Variants in ASTN2 observed in about 807,000 individuals in gnomAD.
ASTN2 encodes astrotactin-2.
Under a neutral mutation model 139.8 loss-of-function variants are expected in ASTN2, and 54 were observed. The observed-to-expected ratio is 0.39, with a 90% CI of 0.31 to 0.48. ASTN2 has a LOEUF of 0.48. ASTN2 is among the 20% of genes least tolerant of loss of function. The pLI is 0.95. For synonymous variants in ASTN2, 756 were observed against 719.5 expected, an observed-to-expected ratio of 1.05 and a Z score of -0.81; for missense variants, 1,565 against 1,725.1, an observed-to-expected ratio of 0.91 and a Z score of 1.64.
chr9:116,668,435 A>C (rs1394407212), intron 16 of ASTN2, among the ~76,000 whole-genome samples: 1 of 151,870 alleles, frequency 6.6e-6, no homozygotes, highest in Non-Finnish European at 1.5e-5. Flanking sequence ...CAGGTGATCC[A>C]CCCGCCTCGG....
chr9:116,807,585 C>T (rs565807692), intron 12 of ASTN2, among the ~76,000 whole-genome samples: 1 of 152,184 alleles, frequency 6.6e-6, no homozygotes, highest in South Asian at 2.1e-4. Context: ...TTACTAAGTC[C>T]CTTTTAATAC....
At chr9:116,762,399 T>C (rs10732385) in intron 13 of ASTN2, among the ~76,000 whole-genome samples, 55,450 of 151,932 alleles carry the variant, frequency 0.36, 10,930 homozygotes, top group East Asian at 0.51. Flanking sequence ...ATTTGGATAA[T>C]TGACACTGAA....
At position 116,442,567 on chromosome 9, in the gene ASTN2, A is replaced by G; in HGVS notation, c.3498-14T>C. 2 of 1,611,156 alleles carry G rather than the reference A, an allele frequency of 1.2e-6. No homozygotes were observed. Among genetic ancestry groups the G allele is most frequent in the Non-Finnish European group, 1.7e-6 (2 of 1,177,266 alleles). ...TACAGAGTGAACCTGCAGCACAGCA[A>G]GAAAACAGAGCACCAGGCTGTGACT... is the stretch of plus-strand genomic sequence containing the variant. On this transcript the variant is annotated splice_polypyrimidine_tract_variant and intron_variant, in intron 20 of 22. Coordinates refer to ENST00000313400, the MANE Select transcript of ASTN2 (RefSeq NM_001365068.1).
chr9:116,736,924 G>A (rs886971327), intron 13 of ASTN2, among the ~76,000 whole-genome samples: 1 of 152,062 alleles, frequency 6.6e-6, no homozygotes, highest in Admixed American at 6.5e-5. Flanking sequence ...TGACCCCAAC[G>A]GGACAATGCA....
intron 16 of ASTN2, among the ~76,000 whole-genome samples, chr9:116,659,687 C>T (rs996580933): frequency 6.6e-6 from 1 of 152,130 alleles, no homozygotes; most frequent in African/African-American, 2.4e-5. Context: ...CCAGGTAATG[C>T]CCCCAATCTC....
chr9:117,180,865 C>T, intron 3 of ASTN2: 2 of 1,574,746 alleles, frequency 1.3e-6, no homozygotes, highest in East Asian at 4.5e-5. Flanking sequence ...CTTCTGGTGG[C>T]CAGGAAACTT....
intron 10 of ASTN2, among the ~76,000 whole-genome samples, chr9:116,902,089 A>C (rs1588396709): frequency 1.3e-5 from 2 of 152,170 alleles, no homozygotes; most frequent in South Asian, 4.1e-4. Context: ...ATAAAAGTTA[A>C]CTGTTATAAA....
At chr9:116,858,932 T>C (rs575115683) in intron 11 of ASTN2, among the ~76,000 whole-genome samples, 2 of 152,346 alleles carry the variant, frequency 1.3e-5, no homozygotes, top group African/African-American at 4.8e-5. Flanking sequence ...CTCACAGTTC[T>C]ACAATTTAAA....
chr9:117,039,667 A>T, intron 6 of ASTN2, 152 bp downstream of exon 6: 1 of 698,140 alleles, frequency 1.4e-6, no homozygotes, highest in Non-Finnish European at 2.1e-6. Context: ...AAAGGATAAG[A>T]TCCTCTTCCA....
intron 13 of ASTN2, among the ~76,000 whole-genome samples, chr9:116,774,892 A>C (rs1452247090): frequency 6.6e-6 from 1 of 152,156 alleles, no homozygotes; most frequent in East Asian, 1.9e-4. Context: ...ACCCATCTAC[A>C]CACATGGGCA....
chr9:117,209,045 T>A (rs1302862839), intron 3 of ASTN2, among the ~76,000 whole-genome samples: 1 of 152,116 alleles, frequency 6.6e-6, no homozygotes, highest in East Asian at 1.9e-4. Flanking sequence ...TACAACTCAC[T>A]GGTAGAGCCA....
At chr9:116,618,207 T>A in intron 19 of ASTN2, 117 bp downstream of exon 19, 1 of 1,135,974 alleles carries the variant, frequency 8.8e-7, no homozygotes. Context: ...CACTAAACAA[T>A]GAAATCTTCC....
At chr9:117,051,149 G>T (rs905799361) in intron 5 of ASTN2, among the ~76,000 whole-genome samples, 7 of 152,104 alleles carry the variant, frequency 4.6e-5, no homozygotes, top group Admixed American at 4.6e-4. Flanking sequence ...GTCACACAAT[G>T]CATTGTTGTG....
intron 10 of ASTN2, among the ~76,000 whole-genome samples, chr9:116,970,267 T>TC (rs1836150920): frequency 1.3e-5 from 2 of 152,174 alleles, no homozygotes; most frequent in South Asian, 4.1e-4. Context: ...GATCTGATGA[T>TC]ACCTTTGGGG....
intron 20 of ASTN2, among the ~76,000 whole-genome samples, chr9:116,478,604 C>T (rs1467060765): frequency 6.6e-6 from 1 of 152,150 alleles, no homozygotes; most frequent in African/African-American, 2.4e-5. Flanking sequence ...AATATCTGAC[C>T]TTAAGCTGAA....
At chr9:116,985,669 G>T (rs1836657368) in intron 7 of ASTN2, among the ~76,000 whole-genome samples, 1 of 152,224 alleles carries the variant, frequency 6.6e-6, no homozygotes, top group Admixed American at 6.5e-5. Context: ...ATGGAGTGGG[G>T]TGAAGAAATC....
intron 10 of ASTN2, among the ~76,000 whole-genome samples, chr9:116,967,264 A>C (rs773728257): frequency 7.2e-5 from 11 of 152,200 alleles, no homozygotes; most frequent in Admixed American, 6.5e-5. Context: ...TTCAGATAGG[A>C]AACTGAGGCT....
At chr9:117,343,257 A>T (rs1450310478) in intron 1 of ASTN2, among the ~76,000 whole-genome samples, 1 of 152,174 alleles carries the variant, frequency 6.6e-6, no homozygotes, top group Non-Finnish European at 1.5e-5. Context: ...TTCTGTCTGA[A>T]GTCAAATCTC....
intron 5 of ASTN2, among the ~76,000 whole-genome samples, chr9:117,066,479 A>G (rs967514491): frequency 6.7e-6 from 1 of 148,696 alleles, no homozygotes; most frequent in Non-Finnish European, 1.5e-5. Context: ...CAATAAACAT[A>G]CGTGTGCATG....
Sources: gnomAD v4.1 joint callset for allele counts (sites outside exome capture counted in the v4.1 genomes callset) on GRCh38, gnomAD v4.1.1 for gene constraint, MANE v1.5 for transcripts, NCBI Gene and HGNC (gene_info 2026-07-23, HGNC 2026-07-21) for gene names.